CPVL: variants seen among roughly 807,000 people sequenced by gnomAD.
CPVL encodes the protein probable serine carboxypeptidase CPVL.
In CPVL, 51 loss-of-function variants were observed where a neutral mutation model predicts 63.7. The ratio of observed to expected loss-of-function variants is 0.80; its 90% CI spans 0.64 to 1.01. CPVL has a LOEUF of 1.01. CPVL is among the 50% of genes least tolerant of loss of function. The pLI is 0.00. For synonymous variants in CPVL, 195 were observed against 206.0 expected (o/e 0.95, Z 0.46); for missense variants, 530 against 573.1 (o/e 0.92, Z 0.77).
chr7:29,057,722 A>G (rs1790880455), intron 11 of CPVL, among the ~76,000 whole-genome samples: 1 of 152,044 alleles, frequency 6.6e-6, no homozygotes. Context: ...TTGTATGTGG[A>G]TATATCCATT....
rs1251852225 is a variant in CPVL at position 29,030,647 on chromosome 7, T to C, written c.1250A>G (p.Lys417Arg). ...GTCAGATTTAAAGATCTTCCAAACTTTTTTTTCTGCCTTCTTGTATTCCTG... is the reference window on the plus strand; with the variant it reads ...GTCAGATTTAAAGATCTTCCAAACTCTTTTTTCTGCCTTCTTGTATTCCTG... ...GSQEYKKAEK[K>R]VWKIFKSDSE... Residue 417 changes from lysine (K) to arginine (R), a missense_variant, in exon 12 of 13, where the codon AAA becomes AGA. Lys to Arg is a conservative substitution (Grantham distance 26). Transcript: ENST00000265394. 2 of 1,613,912 alleles carry C rather than the reference T, an allele frequency of 1.2e-6. No individual in the cohort carries two copies. The highest frequency in any genetic ancestry group is 2.2e-5 in the South Asian group (2 of 91,014).
At chr7:29,195,094 G>T in exon 1 of CPVL, 1 of 1,287,486 alleles carries the variant, frequency 7.8e-7, no homozygotes, top group Non-Finnish European at 1.1e-6. Context: ...CATCCCGCCC[G>T]CTCTCTCGGA....
chr7:29,072,004 A>C (rs317719), intron 8 of CPVL, 100 bp from the exon 9 acceptor site: 1,445,414 of 1,466,316 alleles, frequency 0.99, 712,648 homozygotes, highest in African/African-American at 1. Context: ...AATTGTTAAT[A>C]TTGTGCTGGT....
chr7:29,178,962 A>T (rs1342570675), intron 5 of CPVL, among the ~76,000 whole-genome samples: 1 of 152,104 alleles, frequency 6.6e-6, no homozygotes, highest in African/African-American at 2.4e-5. Context: ...TCCAGGCAGG[A>T]CCCCACCTAC....
At chr7:29,077,524 G>A (rs1305813680) in intron 7 of CPVL, among the ~76,000 whole-genome samples, 1 of 152,098 alleles carries the variant, frequency 6.6e-6, no homozygotes, top group Non-Finnish European at 1.5e-5. Context: ...ATGGTACACT[G>A]AGGACCCTGA....
intron 12 of CPVL, among the ~76,000 whole-genome samples, chr7:29,021,157 C>T (rs1441920563): frequency 6.7e-6 from 1 of 149,278 alleles, no homozygotes; most frequent in Non-Finnish European, 1.5e-5. Context: ...GGGATTCTGT[C>T]TCAAGAAAAA....
intron 3 of CPVL, among the ~76,000 whole-genome samples, chr7:29,111,558 C>T (rs1788234132): frequency 6.6e-6 from 1 of 152,214 alleles, no homozygotes; most frequent in African/African-American, 2.4e-5. Flanking sequence ...AGAAAGCCTT[C>T]CAGAAAAGAC....
intron 1 of CPVL, among the ~76,000 whole-genome samples, chr7:29,127,167 C>G (rs927785683): frequency 2.0e-5 from 3 of 152,176 alleles, no homozygotes; most frequent in African/African-American, 7.2e-5. Flanking sequence ...ACACCACAGT[C>G]TAGAGCTTTT....
chr7:29,062,985 C>T (rs1782779062), intron 11 of CPVL, among the ~76,000 whole-genome samples: 1 of 152,094 alleles, frequency 6.6e-6, no homozygotes, highest in African/African-American at 2.4e-5. Context: ...AGAGACGATC[C>T]CTTGGGCAAA....
intron 11 of CPVL, among the ~76,000 whole-genome samples, chr7:29,037,620 G>C (rs1191734647): frequency 3.3e-5 from 5 of 150,816 alleles, no homozygotes; most frequent in African/African-American, 9.8e-5. Context: ...TATGAAACAT[G>C]ATGCATGTGA....
intron 1 of CPVL, among the ~76,000 whole-genome samples, chr7:29,143,885 G>T (rs1026723740): frequency 6.6e-6 from 1 of 152,160 alleles, no homozygotes; most frequent in African/African-American, 2.4e-5. Flanking sequence ...CATGTTCAAG[G>T]TTATACCTCT....
At chr7:29,147,048 C>A (rs1584409412), upstream of CPVL, 4 of 1,501,904 alleles carry the variant, frequency 2.7e-6, no homozygotes, top group East Asian at 7.4e-5. Flanking sequence ...GTGTTCTGTA[C>A]CATTATACCC....
intron 5 of CPVL, among the ~76,000 whole-genome samples, chr7:29,158,155 G>A (rs1794680671): frequency 6.6e-6 from 1 of 152,190 alleles, no homozygotes; most frequent in Non-Finnish European, 1.5e-5. Context: ...TGGTAGGAAG[G>A]TTTCCTTAGA....
intron 3 of CPVL, among the ~76,000 whole-genome samples, chr7:29,106,564 C>G (rs544003384): frequency 6.6e-6 from 1 of 152,186 alleles, no homozygotes; most frequent in South Asian, 2.1e-4. Context: ...TGCAATGTCT[C>G]TCCAGCACCC....
chr7:29,017,746 G>A (rs1488893257), intron 12 of CPVL, among the ~76,000 whole-genome samples: 4 of 152,186 alleles, frequency 2.6e-5, no homozygotes, highest in Non-Finnish European at 2.9e-5. Context: ...ATTATTTCTC[G>A]GCCCTGCTTT....
At chr7:29,128,851 T>G (rs553168492) in intron 1 of CPVL, among the ~76,000 whole-genome samples, 2 of 151,916 alleles carry the variant, frequency 1.3e-5, no homozygotes, top group Non-Finnish European at 2.9e-5. Flanking sequence ...GAGCCAGCCT[T>G]GAGGAAACAG....
chr7:29,007,674 T>C (rs1342352108), intron 12 of CPVL, among the ~76,000 whole-genome samples: 2 of 152,176 alleles, frequency 1.3e-5, no homozygotes, highest in African/African-American at 2.4e-5. Flanking sequence ...TCAGCATGTC[T>C]ACTCTGTTTC....
intron 7 of CPVL, among the ~76,000 whole-genome samples, chr7:29,077,948 A>G (rs1257141891): frequency 6.6e-6 from 1 of 152,212 alleles, no homozygotes; most frequent in Non-Finnish European, 1.5e-5. Flanking sequence ...CCTCAGTACC[A>G]TTATTTTCTC....
intron 6 of CPVL, among the ~76,000 whole-genome samples, chr7:29,091,692 G>C (rs1785813348): frequency 6.6e-6 from 1 of 152,136 alleles, no homozygotes; most frequent in Non-Finnish European, 1.5e-5. Context: ...CAAAAGTGGA[G>C]AAGACAACAG....
Sources: gnomAD v4.1 joint callset for allele counts (sites outside exome capture counted in the v4.1 genomes callset) on GRCh38, gnomAD v4.1.1 for gene constraint, MANE v1.5 for transcripts, NCBI Gene and HGNC (gene_info 2026-07-23, HGNC 2026-07-21) for gene names.